Variants in FAT1 observed in about 807,000 individuals in gnomAD.
FAT1 encodes protocadherin Fat 1.
A neutral mutation model predicts 329.8 loss-of-function variants in FAT1; 171 were observed. The observed-to-expected ratio is 0.52, with a 90% CI of 0.46 to 0.59. The LOEUF is 0.59. Among genes scored for constraint, FAT1 ranks in the 20% least tolerant of loss-of-function variants. The probability of loss-of-function intolerance (pLI) is 0.00; values close to 1 mark genes in which losing one functional copy is unlikely to be tolerated. For synonymous variants in FAT1, 2,233 were observed against 2,228.6 expected, an observed-to-expected ratio of 1.00 and a Z score of -0.06; for missense variants, 5,672 against 5,774.4, an observed-to-expected ratio of 0.98 and a Z score of 0.57.
Position 186,598,091 on chromosome 4 carries a change from C to A in FAT1, c.12138G>T (p.Gly4046=), listed in dbSNP as rs905458117. ...YYCKCSALYI[G]THCEISVNPC... ...GATTGACGCTTATCTCACAGTGGGT[C>A]CCTATGTACAAGGCACTGCATTTGC... The change falls in exon 23 of 27, where the codon GGG becomes GGT. Residue 4046 remains glycine (G), a synonymous_variant. Transcript: ENST00000441802. The A allele has an allele frequency of 1.2e-6, 2 of 1,613,596 alleles. No homozygotes were observed. The highest frequency in any genetic ancestry group is 1.1e-5 in the South Asian group (1 of 90,974).
chr4:186,681,679 C>T (rs527491494), intron 2 of FAT1, among the ~76,000 whole-genome samples: 3 of 152,310 alleles, frequency 2.0e-5, no homozygotes, highest in Non-Finnish European at 2.9e-5. Flanking sequence ...CAACTGACAG[C>T]GTAAAGCATT....
chr4:186,611,148 A>G (rs1739425020), intron 14 of FAT1, among the ~76,000 whole-genome samples: 2 of 152,164 alleles, frequency 1.3e-5, no homozygotes, highest in South Asian at 4.1e-4. Flanking sequence ...TTTCTATTTT[A>G]AGTTAATTTG....
chr4:186,589,301 A>G (rs1738127145), intron 26 of FAT1, 81 bp from the exon 27 acceptor site: 2 of 1,443,858 alleles, frequency 1.4e-6, no homozygotes, highest in Non-Finnish European at 1.9e-6. Flanking sequence ...TGTATCAAAG[A>G]CACAAAGATG....
intron 2 of FAT1, among the ~76,000 whole-genome samples, chr4:186,673,989 AGCC>A (rs1742844072): frequency 6.6e-6 from 1 of 152,248 alleles, no homozygotes; most frequent in Non-Finnish European, 1.5e-5. Context: ...TCCACAAGAC[AGCC>A]TTCAGAAGCA....
chr4:186,707,824 C>T lies in FAT1; in HGVS notation c.2004G>A (p.Lys668=), dbSNP rs765761625. The change falls in exon 2 of 27, where the codon AAG becomes AAA. Residue 668 remains lysine (K), a synonymous_variant. Coordinates refer to ENST00000441802, the MANE Select transcript of FAT1 (RefSeq NM_005245.4). ...YINITVAASH[K]LVNLQCEETG... is the part of the protein sequence containing the mutation. The stretch of plus-strand genomic sequence containing the variant: ...TCTCTTCACACTGCAAGTTTACCAG[C>T]TTGTGACTGGCAGCCACTGTTATGT... 3 of 1,613,730 alleles carry T rather than the reference C, an allele frequency of 1.9e-6. No individual in the cohort carries two copies. Among genetic ancestry groups the T allele is most frequent in the Admixed American group, 1.7e-5 (1 of 60,020 alleles).
intron 3 of FAT1, among the ~76,000 whole-genome samples, chr4:186,660,005 A>T (rs190100855): frequency 1.3e-5 from 2 of 152,296 alleles, no homozygotes; most frequent in East Asian, 3.9e-4. Flanking sequence ...TGAATCACAA[A>T]ATCGAAGGAC....
intron 14 of FAT1, among the ~76,000 whole-genome samples, chr4:186,610,835 C>A (rs2126464777): frequency 6.6e-6 from 1 of 151,412 alleles, no homozygotes; most frequent in East Asian, 1.9e-4. Flanking sequence ...GATGATGAAG[C>A]ATTCACGCAG....
chr4:186,670,042 T>C (rs1398023823), intron 2 of FAT1, among the ~76,000 whole-genome samples: 1 of 152,224 alleles, frequency 6.6e-6, no homozygotes, highest in Non-Finnish European at 1.5e-5. Flanking sequence ...ATAGCTATGA[T>C]GTTTGCCAAA....
chr4:186,639,659 G>A, intron 4 of FAT1, 63 bp downstream of exon 4: 1 of 1,010,892 alleles, frequency 9.9e-7, no homozygotes, highest in Non-Finnish European at 1.4e-6. Context: ...GAACAAGATT[G>A]TTCTTTCCCA....
chr4:186,643,503 A>C (rs1449888758), intron 3 of FAT1, among the ~76,000 whole-genome samples: 2 of 152,168 alleles, frequency 1.3e-5, no homozygotes, highest in Non-Finnish European at 2.9e-5. Flanking sequence ...GGGTGGCACC[A>C]GGTGATGCAC....
intron 2 of FAT1, among the ~76,000 whole-genome samples, chr4:186,669,458 G>A (rs1036708910): frequency 3.3e-5 from 5 of 152,166 alleles, no homozygotes; most frequent in Non-Finnish European, 5.9e-5. Context: ...CAGAAATCAC[G>A]GCTTTACCTG....
intron 2 of FAT1, among the ~76,000 whole-genome samples, chr4:186,677,843 T>G (rs1265701165): frequency 6.6e-6 from 1 of 152,166 alleles, no homozygotes; most frequent in African/African-American, 2.4e-5. Context: ...AGACAAATCT[T>G]GCTGGAGACA....
chr4:186,605,040 G>GA (rs1739035968), intron 17 of FAT1, among the ~76,000 whole-genome samples: 1 of 151,870 alleles, frequency 6.6e-6, no homozygotes, highest in Non-Finnish European at 1.5e-5. Context: ...CCAACGTGGT[G>GA]AAACCCCGTC....
intron 9 of FAT1, among the ~76,000 whole-genome samples, chr4:186,622,769 C>T (rs1455563902): frequency 6.6e-6 from 1 of 152,312 alleles, no homozygotes; most frequent in Admixed American, 6.5e-5. Flanking sequence ...AATCCATCCA[C>T]GAGCCCATCC....
At chr4:186,602,396 T>C (rs1474401146) in intron 20 of FAT1, among the ~76,000 whole-genome samples, 1 of 152,250 alleles carries the variant, frequency 6.6e-6, no homozygotes, top group African/African-American at 2.4e-5. Context: ...GATACATGTA[T>C]AAAGATTTCT....
chr4:186,720,942 T>C (rs759767631), intron 1 of FAT1, among the ~76,000 whole-genome samples: 4 of 152,176 alleles, frequency 2.6e-5, no homozygotes, highest in Non-Finnish European at 5.9e-5. Flanking sequence ...GTAACAACAC[T>C]GCAGGTGGCT....
Position 186,597,686 on chromosome 4 carries a change from C to T in FAT1, c.12364G>A (p.Glu4122Lys), listed in dbSNP as rs2126398685. 6.2e-7 allele frequency: 1 copy of T among 1,612,970 alleles called. No individual in the cohort carries two copies. The highest frequency in any genetic ancestry group is 8.5e-7 in the Non-Finnish European group (1 of 1,179,026). ...ATTTTGAAAGAAACCATTTACCTTT[C>T]TCCCCTAAAACCCGAATCACACTGA... The part of the protein sequence containing the change: ...VCQCDSGFRG[E>K]RCQSDIDECS... The change falls in exon 24 of 27, where the codon GAA (glutamate) becomes AAA (lysine). Residue 4122 changes from glutamate to lysine, a missense_variant. Around this residue, in one of 2 missense-constraint regions of FAT1, gnomAD observed 1,706 missense variants for 1,859.1 expected, o/e 0.92. Coordinates refer to ENST00000441802, the MANE Select transcript of FAT1 (RefSeq NM_005245.4).
chr4:186,619,713 G>A lies in FAT1; in HGVS notation c.6873C>T (p.Thr2291=), dbSNP rs762200408. The A allele has an allele frequency of 1.5e-5, 24 of 1,613,976 alleles. No individual in the cohort carries two copies. The South Asian group carries it at 2.3e-4, about 16-fold the overall frequency. Reference sequence around the variant, plus strand: ...TTCCAATTACAGATGCCTCAGACAGGGTCACCGCATAAGACTGCTGAGCAA... The same window carrying A: ...TTCCAATTACAGATGCCTCAGACAGAGTCACCGCATAAGACTGCTGAGCAA... ...PVFAQQSYAV[T]LSEASVIGTS... is the part of the protein sequence containing the mutation. Residue 2291 remains threonine (T), a synonymous_variant, in exon 10 of 27, where the codon ACC becomes ACT. Transcript: ENST00000441802.
At chr4:186,641,313 C>T (rs1278408336) in intron 3 of FAT1, among the ~76,000 whole-genome samples, 1 of 152,242 alleles carries the variant, frequency 6.6e-6, no homozygotes, top group Non-Finnish European at 1.5e-5. Context: ...AAATGCTTCA[C>T]AGTGCTTACG....
Sources: gnomAD v4.1 joint callset for allele counts (sites outside exome capture counted in the v4.1 genomes callset) on GRCh38, gnomAD v4.1.1 for gene constraint, gnomAD v4.1.1 regional missense constraint, MANE v1.5 for transcripts, NCBI Gene and HGNC (gene_info 2026-07-23, HGNC 2026-07-21) for gene names.